The following HTT-AS variants were observed in gnomAD, a reference collection of about 807,000 sequenced individuals.
The protein encoded by HTT-AS is HTT antisense RNA (head to head).
downstream of HTT-AS, among the ~76,000 whole-genome samples, chr4:3,047,672 G>C (rs1474365027): frequency 1.3e-5 from 2 of 152,180 alleles, no homozygotes; most frequent in Non-Finnish European, 2.9e-5. Flanking sequence ...AGGGGCGGAG[G>C]GGTTAGAGAA....
exon 2 of HTT-AS, among the ~76,000 whole-genome samples, chr4:3,062,866 GT>G (rs1284297472): frequency 1.3e-5 from 2 of 152,096 alleles, no homozygotes; most frequent in African/African-American, 4.8e-5. Context: ...GCAAGCCATG[GT>G]TTTAAATAAG....
chr4:3,072,847 C>T (rs756001961), intron 1 of HTT-AS, among the ~76,000 whole-genome samples: 1 of 152,174 alleles, frequency 6.6e-6, no homozygotes, highest in African/African-American at 2.4e-5. Flanking sequence ...AGGCTGGTCT[C>T]GAACTCCTGA....
chr4:3,052,248 G>A (rs2110120319), intron 2 of HTT-AS, among the ~76,000 whole-genome samples: 1 of 152,272 alleles, frequency 6.6e-6, no homozygotes, highest in South Asian at 2.1e-4. Flanking sequence ...CTTTCTCAGA[G>A]CACCTGGGAG....
In HTT-AS at chr4:3,054,449, C is replaced by T. The variant is rs915650684; in HGVS notation, n.1381-4751G>A. On this transcript the variant is annotated intron_variant and non_coding_transcript_variant, in intron 2 of 2. Transcript: ENST00000664062. The stretch of plus-strand genomic sequence containing the variant: ...ACTACTAAAAAAATAGTTTTACATG[C>T]AAGGTGTGTGAGGAGAGTGAAATGT... Among the ~76,000 whole-genome samples, 98 of 151,930 alleles carry T rather than the reference C, an allele frequency of 6.5e-4. 1 individual carries two copies. Among genetic ancestry groups the T allele is most frequent in the African/African-American group, 2.3e-3 (96 of 41,362 alleles).
rs553086150 is a variant in HTT-AS at position 3,067,328 on chromosome 4, C to T, written n.114-3628G>A. Reference sequence around the variant, plus strand: ...TTCAAGGACGGTGACTGAGAGGCTTCGAAACTGATGAAAGCCATCAGTTCA... The same window carrying T: ...TTCAAGGACGGTGACTGAGAGGCTTTGAAACTGATGAAAGCCATCAGTTCA... On this transcript the variant is annotated intron_variant and non_coding_transcript_variant, in intron 1 of 2. Coordinates refer to ENST00000664062, the Ensembl canonical transcript of HTT-AS. Among the ~76,000 whole-genome samples the T allele has an allele frequency of 2.2e-3, 330 of 152,170 alleles. 1 individual carries two copies. The highest frequency in any genetic ancestry group is 4.0e-3 in the Admixed American group (61 of 15,272).
chr4:3,059,917 G>GTTTTTTTTTT (rs34372712), intron 2 of HTT-AS, among the ~76,000 whole-genome samples: 2 of 136,240 alleles, frequency 1.5e-5, no homozygotes. Context: ...TTGTCCCTGT[G>GTTTTTTTTTT]TTTTTTGTTT....
intron 1 of HTT-AS, among the ~76,000 whole-genome samples, chr4:3,069,259 C>T (rs1314765970): frequency 6.6e-6 from 1 of 151,696 alleles, no homozygotes; most frequent in Non-Finnish European, 1.5e-5. Context: ...CATCCTCCCA[C>T]CTAGGCCTCC....
chr4:3,050,199 T>C (rs1214817455), intron 2 of HTT-AS, among the ~76,000 whole-genome samples: 1 of 152,246 alleles, frequency 6.6e-6, no homozygotes, highest in Non-Finnish European at 1.5e-5. Context: ...TTCAGTCCTC[T>C]TGAATCCCAG....
At chr4:3,068,981 A>ATT (rs1440691287) in intron 1 of HTT-AS, among the ~76,000 whole-genome samples, 1 of 152,148 alleles carries the variant, frequency 6.6e-6, no homozygotes, top group Non-Finnish European at 1.5e-5. Context: ...TGGAATTAAA[A>ATT]CACATGGCAA....
intron 1 of HTT-AS, among the ~76,000 whole-genome samples, chr4:3,067,522 G>A (rs1056891722): frequency 9.2e-5 from 14 of 152,190 alleles, no homozygotes; most frequent in Non-Finnish European, 1.6e-4. Flanking sequence ...TCTCTCCCAA[G>A]TTCTCATCAT....
At chr4:3,056,134 C>G (rs1711800216) in intron 2 of HTT-AS, among the ~76,000 whole-genome samples, 1 of 152,108 alleles carries the variant, frequency 6.6e-6, no homozygotes, top group Admixed American at 6.6e-5. Context: ...CACTCAGTGC[C>G]CCAGGGGTCA....
At chr4:3,058,274 C>A (rs949259377) in intron 2 of HTT-AS, among the ~76,000 whole-genome samples, 1 of 151,406 alleles carries the variant, frequency 6.6e-6, no homozygotes, top group Non-Finnish European at 1.5e-5. Flanking sequence ...TGTGGTGAGC[C>A]GAGATTGCGC....
In HTT-AS at chr4:3,055,145, G is replaced by C. The variant is rs192642753; in HGVS notation, n.1381-5447C>G. 9.2e-5 allele frequency among the ~76,000 whole-genome samples: 14 copies of C among 151,792 alleles called. No homozygotes were observed. In the South Asian group the frequency reaches 1.2e-3, roughly 13 times the overall value. On this transcript the variant is annotated intron_variant and non_coding_transcript_variant, in intron 2 of 2. Transcript: ENST00000664062. Reference sequence around the variant, plus strand: ...AGGTAGATCACGAGGTCAGGAGATCGAGACCATCCGGGCGTGGTGGCGGGC... The same window carrying C: ...AGGTAGATCACGAGGTCAGGAGATCCAGACCATCCGGGCGTGGTGGCGGGC...
intron 2 of HTT-AS, among the ~76,000 whole-genome samples, chr4:3,051,370 C>G (rs534939495): frequency 6.6e-6 from 1 of 152,022 alleles, no homozygotes; most frequent in Non-Finnish European, 1.5e-5. Flanking sequence ...TGGCCTTTTG[C>G]CAGTTTGATA....
chr4:3,069,990 C>G (rs1211969701), intron 1 of HTT-AS: 1 of 152,314 alleles, frequency 6.6e-6, no homozygotes, highest in Admixed American at 6.5e-5. Flanking sequence ...GGTCTCGGGT[C>G]GGGGCTGCTC....
intron 2 of HTT-AS, among the ~76,000 whole-genome samples, chr4:3,059,924 G>GTTT (rs10680478): frequency 2.2e-5 from 3 of 139,310 alleles, no homozygotes; most frequent in African/African-American, 8.0e-5. Flanking sequence ...TGTGTTTTTT[G>GTTT]TTTTTTTTTT....
chr4:3,064,418 C>A (rs1268838947), intron 1 of HTT-AS, among the ~76,000 whole-genome samples: 1 of 151,980 alleles, frequency 6.6e-6, no homozygotes, highest in Non-Finnish European at 1.5e-5. Flanking sequence ...TTAAAAGAAT[C>A]AACTAACTAA....
intron 2 of HTT-AS, among the ~76,000 whole-genome samples, chr4:3,050,949 G>T (rs935371622): frequency 6.6e-6 from 1 of 150,938 alleles, no homozygotes; most frequent in African/African-American, 2.4e-5. Context: ...ATATATTAAA[G>T]GTTTAAAACA....
intron 2 of HTT-AS, among the ~76,000 whole-genome samples, chr4:3,054,203 A>G (rs1029078776): frequency 1.3e-5 from 2 of 151,882 alleles, no homozygotes; most frequent in Non-Finnish European, 2.9e-5. Flanking sequence ...TACAAAGAAA[A>G]TAAATTTTAT....
Sources: allele counts gnomAD v4.1 joint callset (sites outside exome capture counted in the v4.1 genomes callset), GRCh38; gene constraint gnomAD v4.1.1; transcripts MANE v1.5; gene names NCBI Gene and HGNC (gene_info 2026-07-23, HGNC 2026-07-21).